The following CELF2 variants were observed in gnomAD, a reference collection of about 807,000 sequenced individuals.
CELF2 encodes CUG triplet repeat RNA-binding protein 2.
A neutral mutation model predicts 62.6 loss-of-function variants in CELF2; 8 were observed. That is an observed-to-expected ratio of 0.13 (90% CI 0.07 to 0.23). The LOEUF is 0.23. CELF2 is among the 10% of genes least tolerant of loss of function. CELF2 has a pLI of 1.00. For synonymous variants in CELF2, 258 were observed against 250.0 expected, an observed-to-expected ratio of 1.03 and a Z score of -0.30; for missense variants, 333 against 671.0, an observed-to-expected ratio of 0.50 and a Z score of 5.56.
chr10:10,719,999 C>A, the CELF2 span, among the ~76,000 whole-genome samples: 1 of 152,262 alleles, frequency 6.6e-6, no homozygotes, highest in East Asian at 1.9e-4. Flanking sequence ...TGAATATCAT[C>A]ATTTCCTCCT....
intron 1 of CELF2, 23 bp downstream of exon 1, chr10:11,018,186 G>A (rs73571676): frequency 0.048 from 72,321 of 1,506,420 alleles, 3,973 homozygotes; most frequent in African/African-American, 0.28. Flanking sequence ...GCGTCCCGAG[G>A]CCGGGCGAGC....
the CELF2 span, among the ~76,000 whole-genome samples, chr10:10,558,159 T>C: frequency 6.6e-6 from 1 of 152,224 alleles, no homozygotes; most frequent in African/African-American, 2.4e-5. Context: ...CAGTCTGATA[T>C]TGGCTGTGGG....
At chr10:10,843,471 AT>A (rs937497101) in intron 1 of CELF2, among the ~76,000 whole-genome samples, 29 of 151,846 alleles carry the variant, frequency 1.9e-4, no homozygotes, top group African/African-American at 6.5e-4. Flanking sequence ...CATGTCGCAA[AT>A]TTTTCCAGCT....
the CELF2 span, among the ~76,000 whole-genome samples, chr10:10,633,899 T>C: frequency 6.6e-6 from 1 of 152,062 alleles, no homozygotes; most frequent in Non-Finnish European, 1.5e-5. Context: ...TATTAAATCT[T>C]TGTATGTATT....
chr10:10,874,128 G>A (rs376043668), intron 1 of CELF2, among the ~76,000 whole-genome samples: 6 of 152,218 alleles, frequency 3.9e-5, no homozygotes, highest in South Asian at 4.2e-4. Context: ...CCAGGGCAAC[G>A]TAGCAAGACC....
chr10:10,639,790 G>A, the CELF2 span, among the ~76,000 whole-genome samples: 8 of 151,988 alleles, frequency 5.3e-5, no homozygotes, highest in African/African-American at 1.9e-4. Context: ...TCATTGTGAG[G>A]CCCTCCCTGT....
intron 1 of CELF2, among the ~76,000 whole-genome samples, chr10:11,154,800 CA>C (rs1354261321): frequency 2.0e-5 from 3 of 152,154 alleles, no homozygotes; most frequent in Middle Eastern, 6.3e-3. Flanking sequence ...ACTGAAAAAA[CA>C]AACTCCCAAA....
At chr10:11,173,565 C>T (rs2069759267) in intron 2 of CELF2, among the ~76,000 whole-genome samples, 1 of 152,180 alleles carries the variant, frequency 6.6e-6, no homozygotes, top group Admixed American at 6.5e-5. Flanking sequence ...AAACGTGAAA[C>T]ACCACTAGCA....
At chr10:10,698,504 A>G in the CELF2 span, among the ~76,000 whole-genome samples, 2 of 152,222 alleles carry the variant, frequency 1.3e-5, no homozygotes, top group Non-Finnish European at 2.9e-5. Flanking sequence ...TCCTAATTTC[A>G]TCTACAAAAT....
At chr10:10,765,956 A>G in the CELF2 span, among the ~76,000 whole-genome samples, 1 of 152,208 alleles carries the variant, frequency 6.6e-6, no homozygotes, top group African/African-American at 2.4e-5. Flanking sequence ...ACACAAGCGC[A>G]CTGGGCCACC....
the CELF2 span, among the ~76,000 whole-genome samples, chr10:10,488,064 C>T: frequency 2.6e-5 from 4 of 151,904 alleles, no homozygotes; most frequent in Non-Finnish European, 5.9e-5. Flanking sequence ...ACAAAAGTCC[C>T]CAAAGTGAAA....
At chr10:10,548,043 G>T in the CELF2 span, among the ~76,000 whole-genome samples, 1 of 152,264 alleles carries the variant, frequency 6.6e-6, no homozygotes, top group African/African-American at 2.4e-5. Flanking sequence ...AGCTTCTATA[G>T]AGAGACAAGG....
chr10:10,915,081 A>G (rs2064196335), intron 1 of CELF2, among the ~76,000 whole-genome samples: 1 of 151,600 alleles, frequency 6.6e-6, no homozygotes, highest in South Asian at 2.1e-4. Flanking sequence ...GCAGTGAGCC[A>G]AGGTCACACC....
chr10:10,652,955 C>T, the CELF2 span, among the ~76,000 whole-genome samples: 5 of 152,130 alleles, frequency 3.3e-5, no homozygotes, highest in African/African-American at 1.2e-4. Context: ...CATCAGTGTG[C>T]TGTACTCAGG....
At chr10:11,099,884 C>A (rs58558882) in intron 1 of CELF2, among the ~76,000 whole-genome samples, 14,853 of 92,310 alleles carry the variant, frequency 0.16, 1,863 homozygotes, top group East Asian at 0.67. Context: ...ACAACAACAA[C>A]AAAAAAAAAA....
chr10:10,642,502 A>C, the CELF2 span, among the ~76,000 whole-genome samples: 1 of 152,176 alleles, frequency 6.6e-6, no homozygotes, highest in Non-Finnish European at 1.5e-5. Context: ...CCAGAGAGAA[A>C]ATGTTTATTG....
chr10:10,975,766 G>A lies in CELF2; in HGVS notation c.89+55767G>A, dbSNP rs575184960. Reference sequence around the variant, plus strand: ...CCCAAAGCTGGGCTTAACCCAGGCGGGTTCTTGGCTTCATTCAGGAAAGAA... The same window carrying A: ...CCCAAAGCTGGGCTTAACCCAGGCGAGTTCTTGGCTTCATTCAGGAAAGAA... On this transcript the variant is annotated intron_variant, in intron 2 of 13. Transcript: ENST00000636488. Among the ~76,000 whole-genome samples the A allele has an allele frequency of 5.4e-4, 83 of 152,368 alleles. 1 individual carries two copies. Among genetic ancestry groups the A allele is most frequent in the African/African-American group, 2.0e-3 (82 of 41,586 alleles).
chr10:10,849,972 C>T (rs1488711710), intron 1 of CELF2, among the ~76,000 whole-genome samples: 1 of 151,064 alleles, frequency 6.6e-6, no homozygotes, highest in Non-Finnish European at 1.5e-5. Flanking sequence ...AAAACCCCAT[C>T]TCTACTAAAA....
At chr10:11,172,326 A>C (rs907138933) in intron 2 of CELF2, among the ~76,000 whole-genome samples, 1 of 152,236 alleles carries the variant, frequency 6.6e-6, no homozygotes, top group African/African-American at 2.4e-5. Context: ...TTTTAGATTC[A>C]TGCAAGCGGA....
Sources: gnomAD v4.1 joint callset for allele counts (sites outside exome capture counted in the v4.1 genomes callset) on GRCh38, gnomAD v4.1.1 for gene constraint, MANE v1.5 for transcripts, NCBI Gene and HGNC (gene_info 2026-07-23, HGNC 2026-07-21) for gene names.